The following THSD4 variants were observed in gnomAD, a reference collection of about 807,000 sequenced individuals.
THSD4 encodes the protein thrombospondin type 1 domain containing 4, also known as thrombospondin type-1 domain-containing protein 4.
THSD4 carries 69 observed loss-of-function variants against 119.0 expected under a neutral mutation model. The observed-to-expected ratio is 0.58, with a 90% CI of 0.48 to 0.71. The LOEUF is 0.71. Ranked by LOEUF, THSD4 falls within the 30% of genes least tolerant of loss-of-function variation. The probability of loss-of-function intolerance (pLI) is 0.00; values close to 1 mark genes in which losing one functional copy is unlikely to be tolerated. For synonymous variants in THSD4, 524 were observed against 540.4 expected (o/e 0.97, Z 0.42); for missense variants, 1,393 against 1,391.1 (o/e 1.00, Z -0.02).
At chr15:71,344,340 G>T (rs2045626519) in intron 6 of THSD4, among the ~76,000 whole-genome samples, 1 of 151,692 alleles carries the variant, frequency 6.6e-6, no homozygotes, top group Non-Finnish European at 1.5e-5. Flanking sequence ...ACTGTGCCCA[G>T]CCCAGCCAGG....
chr15:71,210,272 T>C lies in THSD4; in HGVS notation c.100-4763T>C, dbSNP rs142085823. 1.2e-3 allele frequency among the ~76,000 whole-genome samples: 188 copies of C among 152,332 alleles called. 1 individual carries two copies. Among genetic ancestry groups the C allele is most frequent in the African/African-American group, 4.3e-3 (180 of 41,582 alleles). ...TTTCATCTGTAAAGGGAGGTGATGA[T>C]AGTTTCTTTAGGTGGGTGTTTTGAG... On this transcript the variant is annotated intron_variant, in intron 3 of 17. Coordinates refer to ENST00000261862, the MANE Select transcript of THSD4 (RefSeq NM_024817.3).
intron 6 of THSD4, among the ~76,000 whole-genome samples, chr15:71,360,812 GCCTT>G (rs886445902): frequency 3.3e-5 from 5 of 152,310 alleles, no homozygotes; most frequent in Admixed American, 6.5e-5. Flanking sequence ...CACTGAAGGT[GCCTT>G]CCTTGAGCCA....
intron 3 of THSD4, among the ~76,000 whole-genome samples, chr15:71,164,385 A>G (rs1179486534): frequency 6.8e-6 from 1 of 146,176 alleles, no homozygotes; most frequent in Admixed American, 6.7e-5. Flanking sequence ...TTTTTTTTGC[A>G]ATTACAGAGT....
At chr15:71,253,366 C>T (rs2044280420) in intron 5 of THSD4, among the ~76,000 whole-genome samples, 1 of 151,792 alleles carries the variant, frequency 6.6e-6, no homozygotes, top group Non-Finnish European at 1.5e-5. Context: ...GCAAAGTTGG[C>T]TAAGGGCTGG....
intron 3 of THSD4, chr15:71,183,067 C>T (rs557788637): frequency 6.6e-6 from 1 of 151,828 alleles, no homozygotes; most frequent in East Asian, 1.9e-4. Flanking sequence ...ATACCGGAGA[C>T]TGGGTAATTT....
At chr15:71,379,011 T>G (rs2046189577) in intron 6 of THSD4, among the ~76,000 whole-genome samples, 1 of 152,224 alleles carries the variant, frequency 6.6e-6, no homozygotes, top group African/African-American at 2.4e-5. Flanking sequence ...CTTGAACTCC[T>G]GGGCTCAAAC....
intron 7 of THSD4, among the ~76,000 whole-genome samples, chr15:71,619,376 C>G (rs2050379701): frequency 2.0e-5 from 3 of 152,086 alleles, no homozygotes; most frequent in Non-Finnish European, 2.9e-5. Context: ...TGTCAAACAC[C>G]CAGAAAGGTT....
intron 6 of THSD4, among the ~76,000 whole-genome samples, chr15:71,323,228 C>T (rs1229660524): frequency 6.6e-6 from 1 of 151,932 alleles, no homozygotes; most frequent in Non-Finnish European, 1.5e-5. Flanking sequence ...GTGAGGAGAC[C>T]ACCCAAAAGC....
intron 6 of THSD4, among the ~76,000 whole-genome samples, chr15:71,277,660 C>A (rs2044608182): frequency 6.6e-6 from 1 of 152,130 alleles, no homozygotes; most frequent in Admixed American, 6.5e-5. Context: ...ATACATTACC[C>A]TGGAATAGAA....
intron 14 of THSD4, among the ~76,000 whole-genome samples, chr15:71,750,640 G>C (rs1418191710): frequency 1.3e-5 from 2 of 152,166 alleles, no homozygotes; most frequent in Non-Finnish European, 2.9e-5. Flanking sequence ...ACAGCCCTTG[G>C]TGCAAATACT....
At chr15:71,229,154 T>C (rs2044041506) in intron 4 of THSD4, among the ~76,000 whole-genome samples, 1 of 152,248 alleles carries the variant, frequency 6.6e-6, no homozygotes, top group Non-Finnish European at 1.5e-5. Context: ...TTTGTTAATA[T>C]CTGTTCACAC....
chr15:71,183,871 A>G (rs914444039), intron 3 of THSD4: 1 of 151,838 alleles, frequency 6.6e-6, no homozygotes, highest in Admixed American at 6.6e-5. Context: ...AATAGATGCC[A>G]GTAAGAAACT....
At chr15:71,747,074 C>T in intron 13 of THSD4, 32 bp downstream of exon 13, 2 of 1,561,488 alleles carry the variant, frequency 1.3e-6, no homozygotes, top group Non-Finnish European at 1.7e-6. Flanking sequence ...CTCTGCAGCT[C>T]CCTCTCCAGC....
chr15:71,395,945 A>C (rs1596398750), intron 6 of THSD4, among the ~76,000 whole-genome samples: 1 of 150,230 alleles, frequency 6.7e-6, no homozygotes, highest in Non-Finnish European at 1.5e-5. Flanking sequence ...ACACACACAC[A>C]CACACACAAA....
intron 7 of THSD4, among the ~76,000 whole-genome samples, chr15:71,549,354 A>C (rs925393616): frequency 1.3e-5 from 2 of 151,724 alleles, no homozygotes; most frequent in Admixed American, 1.3e-4. Context: ...TAGTGTGTGC[A>C]TGTGTGTGCA....
chr15:71,647,703 A>C (rs186504325), intron 7 of THSD4, among the ~76,000 whole-genome samples: 1 of 152,308 alleles, frequency 6.6e-6, no homozygotes, highest in African/African-American at 2.4e-5. Context: ...AATGAGAAAA[A>C]TCGTTACTAT....
intron 6 of THSD4, among the ~76,000 whole-genome samples, chr15:71,408,877 T>A (rs2046643865): frequency 6.6e-6 from 1 of 152,008 alleles, no homozygotes. Context: ...TTGGGGGCAG[T>A]GGGTAGGAAG....
chr15:71,698,636 C>T (rs902206171), intron 8 of THSD4, among the ~76,000 whole-genome samples: 5 of 147,970 alleles, frequency 3.4e-5, no homozygotes, highest in African/African-American at 1.3e-4. Flanking sequence ...TATATACATG[C>T]ATGTATATAT....
At chr15:71,388,032 T>A (rs2046316857) in intron 6 of THSD4, among the ~76,000 whole-genome samples, 1 of 152,228 alleles carries the variant, frequency 6.6e-6, no homozygotes, top group Admixed American at 6.5e-5. Flanking sequence ...AGTTAACTGC[T>A]TTTGTGGTTT....
Sources: gnomAD v4.1 joint callset for allele counts (sites outside exome capture counted in the v4.1 genomes callset) on GRCh38, gnomAD v4.1.1 for gene constraint, MANE v1.5 for transcripts, NCBI Gene and HGNC (gene_info 2026-07-23, HGNC 2026-07-21) for gene names.